NAF1: variants seen among roughly 807,000 people sequenced by gnomAD.
NAF1 encodes nuclear assembly factor 1 ribonucleoprotein, also known as H/ACA ribonucleoprotein complex non-core subunit NAF1.
NAF1 carries 11 observed loss-of-function variants against 40.6 expected under a neutral mutation model. The observed-to-expected ratio is 0.27, with a 90% CI of 0.17 to 0.45. The LOEUF (loss-of-function observed/expected upper bound fraction) is 0.45. Ranked by LOEUF, NAF1 falls within the 20% of genes least tolerant of loss-of-function variation. The pLI, the probability that NAF1 is intolerant of heterozygous loss-of-function variation, is 1.00. For missense variants in NAF1, 607 were observed against 611.1 expected (o/e 0.99, Z 0.07); for synonymous variants, 260 against 228.5 (o/e 1.14, Z -1.24).
downstream of NAF1, among the ~76,000 whole-genome samples, chr4:163,126,054 T>C (rs1009164050): frequency 6.6e-6 from 1 of 152,244 alleles, no homozygotes; most frequent in Non-Finnish European, 1.5e-5. Flanking sequence ...TTTGAAATGC[T>C]ACTGATCATT....
In NAF1 at chr4:163,164,110, A is replaced by C. The variant is rs557455528; in HGVS notation, c.540+107T>G. 7.9e-5 allele frequency: 104 copies of C among 1,316,310 alleles called. 1 individual carries two copies. In the South Asian group the frequency reaches 2.1e-3, roughly 26 times the overall value. The allele number at this position is 1,316,310 out of a possible 1,614,324, so 81.5% of individuals were successfully genotyped here. A position where few individuals can be genotyped will look rare whatever the true frequency, so the allele number is the denominator to read the frequency against. ...CCAAAAGCATGCCTATTAGGCTGAGAATAAATTTCAAATTTATGGAGCAGA... is the reference window on the plus strand; with the variant it reads ...CCAAAAGCATGCCTATTAGGCTGAGCATAAATTTCAAATTTATGGAGCAGA... On this transcript the variant is annotated intron_variant, in intron 2 of 7. Coordinates refer to ENST00000274054, the MANE Select transcript of NAF1 (RefSeq NM_138386.3).
At chr4:163,126,098 G>A (rs967608691), downstream of NAF1, among the ~76,000 whole-genome samples, 14 of 152,028 alleles carry the variant, frequency 9.2e-5, no homozygotes, top group Non-Finnish European at 2.1e-4. Flanking sequence ...AACTCCAATG[G>A]AGATGTACAA....
At chr4:163,136,908 A>G (rs1487991958) in intron 6 of NAF1, among the ~76,000 whole-genome samples, 2 of 152,232 alleles carry the variant, frequency 1.3e-5, no homozygotes, top group African/African-American at 4.8e-5. Context: ...AGACATCAAC[A>G]AAGTTGACAA....
rs565340315 is a variant in NAF1, at chr4:163,160,286, T to C, written c.540+3931A>G. Among the ~76,000 whole-genome samples the C allele has an allele frequency of 6.3e-4, 96 of 152,292 alleles. 1 individual carries two copies. Among genetic ancestry groups the C allele is most frequent in the East Asian group, 2.1e-3 (11 of 5,182 alleles). On this transcript the variant is annotated intron_variant, in intron 2 of 7. Coordinates refer to ENST00000274054, the MANE Select transcript of NAF1 (RefSeq NM_138386.3). ...AGCCACTTAAGACTCTCCTTTTTCA[T>C]TGCCACTATAGCTCGCTAATTCCTC...
chr4:163,132,421 G>A (rs185348963), intron 7 of NAF1, among the ~76,000 whole-genome samples: 83 of 152,346 alleles, frequency 5.4e-4, no homozygotes, highest in Middle Eastern at 3.4e-3. Context: ...ATGCAATAAT[G>A]TGGGTGGATG....
At chr4:163,144,133 G>A (rs1731368864) in intron 4 of NAF1, 2 of 443,276 alleles carry the variant, frequency 4.5e-6, no homozygotes, top group African/African-American at 4.3e-5. Context: ...TATATGAGAA[G>A]GAAACAGATT....
downstream of NAF1, among the ~76,000 whole-genome samples, chr4:163,106,070 CAATT>C (rs1245307899): frequency 1.3e-5 from 2 of 152,200 alleles, no homozygotes; most frequent in East Asian, 3.9e-4. Flanking sequence ...AAGAAACACA[CAATT>C]AATCAATGCA....
chr4:163,108,114 A>G (rs1730078946), downstream of NAF1, among the ~76,000 whole-genome samples: 1 of 152,246 alleles, frequency 6.6e-6, no homozygotes, highest in Non-Finnish European at 1.5e-5. Flanking sequence ...GCATATATCA[A>G]CAGCGATGTA....
In NAF1 at chr4:163,166,511, C is replaced by T; in HGVS notation, c.217G>A (p.Ala73Thr). Residue 73 changes from alanine (A) to threonine (T), a missense_variant, in exon 1 of 8, where the codon GCC becomes ACC. Coordinates refer to ENST00000274054, the MANE Select transcript of NAF1 (RefSeq NM_138386.3). ...GGCGCCGGGGTCCCGGCCGCGACGG[C>T]GTTCAGAACGGGCTGCAGAGGCTGC... The part of the protein sequence containing the change: ...GEQPLQPVLN[A>T]VAAGTPAPQP... The T allele has an allele frequency of 6.3e-7, 1 of 1,598,810 alleles. No individual in the cohort carries two copies. The highest frequency in any genetic ancestry group is 8.5e-7 in the Non-Finnish European group (1 of 1,172,596).
At chr4:163,140,054 C>T (rs1184131285) in intron 5 of NAF1, among the ~76,000 whole-genome samples, 169 bp downstream of exon 5, 1 of 151,892 alleles carries the variant, frequency 6.6e-6, no homozygotes, top group Non-Finnish European at 1.5e-5. Context: ...ATGAATTCTA[C>T]GTACAAAATC....
the NAF1 span, among the ~76,000 whole-genome samples, chr4:163,104,934 T>C: frequency 6.6e-6 from 1 of 152,218 alleles, no homozygotes; most frequent in African/African-American, 2.4e-5. Context: ...CATTGGGAAA[T>C]TATGTTTCAG....
intron 2 of NAF1, among the ~76,000 whole-genome samples, chr4:163,161,337 G>C (rs945918379): frequency 1.3e-5 from 2 of 152,142 alleles, no homozygotes; most frequent in African/African-American, 4.8e-5. Flanking sequence ...GCAAGGCGTG[G>C]TGGTGGGCGC....
chr4:163,123,183 G>A (rs768189998), downstream of NAF1, among the ~76,000 whole-genome samples: 1 of 152,172 alleles, frequency 6.6e-6, no homozygotes, highest in Admixed American at 6.5e-5. Flanking sequence ...GTCACACGGT[G>A]AGTGTGAGCA....
At chr4:163,119,182 G>C (rs1730442796) in intron 2 of NAF1, among the ~76,000 whole-genome samples, 1 of 152,054 alleles carries the variant, frequency 6.6e-6, no homozygotes, top group Non-Finnish European at 1.5e-5. Flanking sequence ...TGTTGCGTAT[G>C]GGCATTTTTT....
intron 7 of NAF1, among the ~76,000 whole-genome samples, 193 bp downstream of exon 7, chr4:163,132,961 C>G (rs1253123421): frequency 6.6e-6 from 1 of 152,188 alleles, no homozygotes; most frequent in East Asian, 1.9e-4. Context: ...CTCTCTGTTA[C>G]CCCAGGAAGC....
At position 163,156,144 on chromosome 4, in the gene NAF1, T is replaced by G. The variant is rs1202600943; in HGVS notation, c.541-7710A>C. Among the ~76,000 whole-genome samples, 4 of 114,502 alleles carry G rather than the reference T, an allele frequency of 3.5e-5. 1 individual carries two copies. The highest frequency in any genetic ancestry group is 8.4e-5 in the African/African-American group (3 of 35,574). The allele number at this position is 114,502 out of a possible 152,430, so 75.1% of individuals were successfully genotyped here. ...TATTTACTCAATATTAGATACAAAT[T>G]TAAATTTAATTAAAATTAAATAAAA... On this transcript the variant is annotated intron_variant, in intron 2 of 7. Transcript: ENST00000274054.
chr4:163,166,369 G>A lies in NAF1; in HGVS notation c.359C>T (p.Ser120Leu), dbSNP rs751601134. The change falls in exon 1 of 8, where the codon TCG (serine) becomes TTG (leucine). Residue 120 changes from serine (S) to leucine (L), a missense_variant. Coordinates refer to ENST00000274054, the MANE Select transcript of NAF1 (RefSeq NM_138386.3). ...GGTCCCTTAGGCACCCGACCTGTCC[G>A]AGTCCGAATCCGAGTCCGAGGTCTC... ...SLETSDSDSD[S>L]DSETDSDSSS... The A allele has an allele frequency of 6.2e-6, 10 of 1,600,808 alleles. No homozygotes were observed. The highest frequency in any genetic ancestry group is 1.1e-5 in the South Asian group (1 of 89,552).
chr4:163,141,300 G>T (rs1262882557), intron 4 of NAF1, among the ~76,000 whole-genome samples: 1 of 152,162 alleles, frequency 6.6e-6, no homozygotes, highest in East Asian at 1.9e-4. Flanking sequence ...GGAGGCAGAG[G>T]TTGCAGTGAA....
At chr4:163,129,893 T>G (rs1034924688) in intron 7 of NAF1, among the ~76,000 whole-genome samples, 1 of 152,126 alleles carries the variant, frequency 6.6e-6, no homozygotes, top group Non-Finnish European at 1.5e-5. Flanking sequence ...AAGGCCATCC[T>G]CCACTGGTGT....
Sources: allele counts gnomAD v4.1 joint callset (sites outside exome capture counted in the v4.1 genomes callset), GRCh38; gene constraint gnomAD v4.1.1; transcripts MANE v1.5; gene names NCBI Gene and HGNC (gene_info 2026-07-23, HGNC 2026-07-21).